UBAC1: variants seen among roughly 807,000 people sequenced by gnomAD.
UBAC1 encodes the protein ubiquitin-associated domain-containing protein 1.
In UBAC1, 27 loss-of-function variants were observed where a neutral mutation model predicts 45.9. The observed-to-expected ratio is 0.59, with a 90% CI of 0.43 to 0.81. UBAC1 has a LOEUF of 0.81. UBAC1 is among the 30% of genes least tolerant of loss of function. The probability of loss-of-function intolerance (pLI) is 0.00; values close to 1 mark genes in which losing one functional copy is unlikely to be tolerated. For missense variants in UBAC1, 529 were observed against 539.2 expected (o/e 0.98, Z 0.19); for synonymous variants, 227 against 215.5 (o/e 1.05, Z -0.47).
chr9:135,940,586 A>C (rs1475018444), intron 7 of UBAC1, among the ~76,000 whole-genome samples: 1 of 152,042 alleles, frequency 6.6e-6, no homozygotes, highest in African/African-American at 2.4e-5. Context: ...TCTCAAAAAA[A>C]AAAAAAAAAA....
rs138172100 is a variant in UBAC1, at chr9:135,944,429, G to A, written c.876+599C>T. Reference sequence around the variant, plus strand: ...CAGATGGAGCAGATCTGCCATCTGAGCATGTCGGAGACAGACAGAAACCTC... The same window carrying A: ...CAGATGGAGCAGATCTGCCATCTGAACATGTCGGAGACAGACAGAAACCTC... On this transcript the variant is annotated intron_variant, in intron 7 of 9. Transcript: ENST00000371756. Among the ~76,000 whole-genome samples, 41 of 152,364 alleles carry A rather than the reference G, an allele frequency of 2.7e-4. No homozygotes were observed. The East Asian group carries it at 4.4e-3, about 16-fold the overall frequency.
At chr9:135,945,863 A>G in intron 6 of UBAC1, 26 bp downstream of exon 6, 1 of 1,602,106 alleles carries the variant, frequency 6.2e-7, no homozygotes, top group Non-Finnish European at 8.5e-7. Context: ...GTCTCCGGCA[A>G]GGGAAGGAGG....
chr9:135,947,547 G>A (rs1274389605), intron 4 of UBAC1: 4 of 423,026 alleles, frequency 9.5e-6, no homozygotes, highest in East Asian at 3.7e-5. Context: ...ACTCAGGGCC[G>A]GATTGACGTT....
In UBAC1 at chr9:135,954,156, AG is replaced by A. The variant is rs200015238; in HGVS notation, c.260-404del. 2.3e-3 allele frequency among the ~76,000 whole-genome samples: 313 copies of A among 136,388 alleles called. 36 individuals are homozygous for A. Among genetic ancestry groups the A allele is most frequent in the Middle Eastern group, 3.8e-3 (1 of 266 alleles). 89.5% of individuals were successfully genotyped at this position (136,388 alleles called of 152,430 possible). Reference sequence around the variant, plus strand: ...TTCATCTTAAAAAAAAAAAAAAAAAAGAAGAAGAGCAGGGCTTCAGCTGGGT... The same window carrying A: ...TTCATCTTAAAAAAAAAAAAAAAAAAAAGAAGAGCAGGGCTTCAGCTGGGT... On this transcript the variant is annotated intron_variant, in intron 2 of 9. Coordinates refer to ENST00000371756, the MANE Select transcript of UBAC1 (RefSeq NM_016172.3).
At chr9:135,957,032 C>T (rs1839475272) in intron 1 of UBAC1, among the ~76,000 whole-genome samples, 1 of 152,190 alleles carries the variant, frequency 6.6e-6, no homozygotes, top group Admixed American at 6.5e-5. Flanking sequence ...CCTTTGCTGC[C>T]ACAGAGGCTC....
chr9:135,939,207 A>T (rs1839236964), intron 8 of UBAC1, among the ~76,000 whole-genome samples: 1 of 144,420 alleles, frequency 6.9e-6, no homozygotes. Flanking sequence ...ACTCCAAAAA[A>T]ATTAAAAAAA....
intron 7 of UBAC1, among the ~76,000 whole-genome samples, chr9:135,940,461 T>G (rs1248170687): frequency 2.6e-5 from 4 of 151,326 alleles, no homozygotes; most frequent in African/African-American, 4.9e-5. Flanking sequence ...GCGCCTGTAG[T>G]CCCAGCTACT....
intron 2 of UBAC1, 103 bp from the exon 3 acceptor site, chr9:135,953,856 C>T (rs1839435389): frequency 1.3e-5 from 13 of 964,730 alleles, no homozygotes; most frequent in Admixed American, 7.4e-5. Context: ...AGCAGGGATT[C>T]GGCCGGGCGC....
intron 4 of UBAC1, 121 bp downstream of exon 4, chr9:135,947,677 C>G (rs908086930): frequency 1.3e-6 from 1 of 753,336 alleles, no homozygotes; most frequent in Non-Finnish European, 2.1e-6. Context: ...ACCCGCTCAC[C>G]GGCTTCCCCA....
At chr9:135,960,624 A>C (rs1441682733) in intron 1 of UBAC1, among the ~76,000 whole-genome samples, 1 of 152,230 alleles carries the variant, frequency 6.6e-6, no homozygotes, top group Admixed American at 6.5e-5. Flanking sequence ...AAAAAGGTAC[A>C]ACTGCCGGAA....
intron 3 of UBAC1, among the ~76,000 whole-genome samples, chr9:135,948,728 C>G (rs1236332056): frequency 2.0e-5 from 3 of 152,212 alleles, no homozygotes; most frequent in Non-Finnish European, 4.4e-5. Flanking sequence ...AGGGTCCACA[C>G]CCAAAGCGCA....
intron 3 of UBAC1, among the ~76,000 whole-genome samples, chr9:135,951,700 C>T (rs1160473810): frequency 6.6e-6 from 1 of 152,072 alleles, no homozygotes; most frequent in Non-Finnish European, 1.5e-5. Context: ...ACCCCAGCTA[C>T]TTGGGAGGCT....
intron 7 of UBAC1, among the ~76,000 whole-genome samples, chr9:135,940,995 A>G (rs907289785): frequency 2.0e-5 from 3 of 152,240 alleles, no homozygotes; most frequent in Non-Finnish European, 4.4e-5. Context: ...GTGCACGTCC[A>G]CAGCCAGTCT....
At chr9:135,944,069 C>T (rs1564196142) in intron 7 of UBAC1, among the ~76,000 whole-genome samples, 1 of 152,216 alleles carries the variant, frequency 6.6e-6, no homozygotes, top group African/African-American at 2.4e-5. Flanking sequence ...CACCATGGCA[C>T]ATGTTTACCT....
chr9:135,942,840 G>C (rs1426828053), intron 7 of UBAC1, among the ~76,000 whole-genome samples: 1 of 152,132 alleles, frequency 6.6e-6, no homozygotes, highest in Admixed American at 6.6e-5. Context: ...TGGGCCCATG[G>C]GAGGTAGGGA....
At chr9:135,935,752 C>T (rs373424571) in intron 9 of UBAC1, among the ~76,000 whole-genome samples, 61 of 152,282 alleles carry the variant, frequency 4.0e-4, no homozygotes, top group African/African-American at 1.4e-3. Flanking sequence ...AGTGGCCAGG[C>T]GCAGTAGCTC....
In UBAC1 at chr9:135,953,710, G is replaced by C. The variant is rs771048282; in HGVS notation, c.303C>G (p.Pro101=). The change falls in exon 3 of 10, where the codon CCC becomes CCG. Residue 101 remains proline (P), a synonymous_variant. Transcript: ENST00000371756. The part of the protein sequence containing the change: ...LIKKRAPSPL[P]KMADVSAEEK... Reference sequence around the variant, plus strand: ...CTTCTGCTGAGACATCAGCCATCTTGGGAAGTGGTGATGGAGCACGCTTTT... The same window carrying C: ...CTTCTGCTGAGACATCAGCCATCTTCGGAAGTGGTGATGGAGCACGCTTTT... 2.3e-5 allele frequency: 37 copies of C among 1,613,832 alleles called. No individual in the cohort carries two copies. The highest frequency in any genetic ancestry group is 2.5e-6 in the Non-Finnish European group (3 of 1,179,918).
Position 135,933,353 on chromosome 9 carries a change from G to GGGTC in UBAC1, c.*46_*47insGACC, listed in dbSNP as rs1839166898. 1 of 1,534,678 alleles carries GGGTC rather than the reference G, an allele frequency of 6.5e-7. No homozygotes were observed. The highest frequency in any genetic ancestry group is 1.7e-5 in the Admixed American group (1 of 59,824). On this transcript the variant is annotated 3_prime_UTR_variant, in exon 10 of 10. Coordinates refer to ENST00000371756, the MANE Select transcript of UBAC1 (RefSeq NM_016172.3). ...GGTCCACTCTGCCCGGTCTCGGGCCGCACCAGGGGGCTGCTGTGGCCTGAT... is the reference window on the plus strand; with the variant it reads ...GGTCCACTCTGCCCGGTCTCGGGCCGGGTCCACCAGGGGGCTGCTGTGGCCTGAT...
chr9:135,948,036 G>A, intron 3 of UBAC1, 131 bp from the exon 4 acceptor site: 1 of 803,318 alleles, frequency 1.2e-6, no homozygotes, highest in Non-Finnish European at 2.0e-6. Context: ...TAAACTCCTT[G>A]ATGAGCTGGG....
Sources: allele counts gnomAD v4.1 joint callset (sites outside exome capture counted in the v4.1 genomes callset), GRCh38; gene constraint gnomAD v4.1.1; transcripts MANE v1.5; gene names NCBI Gene and HGNC (gene_info 2026-07-23, HGNC 2026-07-21).